The following ARHGEF26 variants were observed in gnomAD, a reference collection of about 807,000 sequenced individuals.
The protein encoded by ARHGEF26 is Rho guanine nucleotide exchange factor (GEF) 26.
ARHGEF26 carries 59 observed loss-of-function variants against 89.4 expected under a neutral mutation model. That is an observed-to-expected ratio of 0.66 (90% CI 0.54 to 0.82). The LOEUF (loss-of-function observed/expected upper bound fraction) is 0.82. Ranked by LOEUF, ARHGEF26 falls within the 40% of genes least tolerant of loss-of-function variation. ARHGEF26 has a pLI of 0.00. For synonymous variants in ARHGEF26, 500 were observed against 428.4 expected, an observed-to-expected ratio of 1.17 and a Z score of -2.06; for missense variants, 1,234 against 1,085.6, an observed-to-expected ratio of 1.14 and a Z score of -1.92.
intron 10 of ARHGEF26, among the ~76,000 whole-genome samples, chr3:154,218,679 A>G (rs1715930490): frequency 6.6e-6 from 1 of 152,260 alleles, no homozygotes; most frequent in Admixed American, 6.5e-5. Context: ...TTTCTATTTC[A>G]TGCAGTCAAA....
chr3:154,149,354 T>A, intron 4 of ARHGEF26, 35 bp from the exon 5 acceptor site: 1 of 1,565,186 alleles, frequency 6.4e-7, no homozygotes, highest in Non-Finnish European at 8.7e-7. Flanking sequence ...AAAGTATTAA[T>A]AAATGAGTCA....
intron 6 of ARHGEF26, among the ~76,000 whole-genome samples, chr3:154,174,300 A>G (rs938374465): frequency 6.6e-6 from 1 of 152,194 alleles, no homozygotes; most frequent in Non-Finnish European, 1.5e-5. Context: ...GCACTTCCTT[A>G]ATTTTTAAAT....
intron 9 of ARHGEF26, among the ~76,000 whole-genome samples, chr3:154,210,270 G>A (rs1295512026): frequency 6.6e-6 from 1 of 152,102 alleles, no homozygotes; most frequent in African/African-American, 2.4e-5. Flanking sequence ...CTGAATCCAG[G>A]AAGTCTCAGA....
At chr3:154,194,780 A>C in intron 9 of ARHGEF26, 62 bp downstream of exon 9, 1 of 1,398,714 alleles carries the variant, frequency 7.1e-7, no homozygotes, top group East Asian at 2.4e-5. Flanking sequence ...TCAGACACAA[A>C]GTGTGTCTTG....
At chr3:154,160,392 C>T (rs888082840) in intron 6 of ARHGEF26, among the ~76,000 whole-genome samples, 3 of 152,140 alleles carry the variant, frequency 2.0e-5, no homozygotes, top group African/African-American at 7.2e-5. Context: ...AGTGTGGGAT[C>T]TGAAGTCTTT....
chr3:154,124,430 AGG>A lies in ARHGEF26; in HGVS notation c.1105_1106del (p.Gly369AsnfsTer3), dbSNP rs1718199201. ...RIKKKMLKGQ[G>X]TFDGEENAVL... ...CTTAGAAAAAAATGCTGAAAGGACA[AGG>A]AACATTTGATGGGGAAGGTAAGCAT... On this transcript the variant is annotated frameshift_variant, in exon 3 of 15. Coordinates refer to ENST00000465093, the MANE Select transcript of ARHGEF26 (RefSeq NM_015595.4). LOFTEE classifies it high-confidence loss of function. 6.6e-7 allele frequency: 1 copy of A among 1,514,514 alleles called. No homozygotes were observed. The highest frequency in any genetic ancestry group is 8.8e-7 in the Non-Finnish European group (1 of 1,140,332). The allele number at this position is 1,514,514 out of a possible 1,614,324, so 93.8% of individuals were successfully genotyped here.
At chr3:154,144,743 G>C (rs2108081340) in intron 4 of ARHGEF26, among the ~76,000 whole-genome samples, 1 of 152,250 alleles carries the variant, frequency 6.6e-6, no homozygotes, top group Non-Finnish European at 1.5e-5. Flanking sequence ...ACTCGATGTT[G>C]CCTGCTTGAG....
At chr3:154,209,064 G>A (rs1715209816) in intron 9 of ARHGEF26, among the ~76,000 whole-genome samples, 1 of 152,014 alleles carries the variant, frequency 6.6e-6, no homozygotes, top group Non-Finnish European at 1.5e-5. Context: ...ACTGTGCCTG[G>A]CCGCCAGTTG....
intron 6 of ARHGEF26, among the ~76,000 whole-genome samples, chr3:154,180,685 C>G (rs1713125716): frequency 1.0e-4 from 1 of 9,536 alleles, no homozygotes; most frequent in Non-Finnish European, 1.7e-4. Flanking sequence ...TCTTTTTTCC[C>G]CTCACATCCC....
intron 4 of ARHGEF26, among the ~76,000 whole-genome samples, chr3:154,143,123 C>T (rs1719484328): frequency 6.6e-6 from 1 of 151,940 alleles, no homozygotes; most frequent in Non-Finnish European, 1.5e-5. Context: ...TTTTGTTATT[C>T]GAAGTGTTGC....
chr3:154,231,619 A>T (rs1716827379), intron 11 of ARHGEF26, among the ~76,000 whole-genome samples: 1 of 152,130 alleles, frequency 6.6e-6, no homozygotes, highest in Admixed American at 6.6e-5. Flanking sequence ...GCCGTAAATC[A>T]AATTATTGCC....
intron 6 of ARHGEF26, among the ~76,000 whole-genome samples, chr3:154,156,871 T>C (rs923967092): frequency 6.6e-6 from 1 of 152,224 alleles, no homozygotes; most frequent in Non-Finnish European, 1.5e-5. Context: ...TTGTTAAGTA[T>C]GTCATAACCA....
In ARHGEF26 at chr3:154,194,699, C is replaced by A. The variant is rs749851646; in HGVS notation, c.1826C>A (p.Ala609Asp). 2 of 1,612,604 alleles carry A rather than the reference C, an allele frequency of 1.2e-6. No homozygotes were observed. The highest frequency in any genetic ancestry group is 1.7e-6 in the Non-Finnish European group (2 of 1,179,342). ...DSPKYEVCKR[A>D]LKEVSKLVRL... ...CCGAAGTATGAAGTCTGCAAAAGAGCCTTGAAGGAAGTTAGCAAGGTAACT... is the reference window on the plus strand; with the variant it reads ...CCGAAGTATGAAGTCTGCAAAAGAGACTTGAAGGAAGTTAGCAAGGTAACT... The change falls in exon 9 of 15, where the codon GCC becomes GAC. Residue 609 changes from alanine (A) to aspartate (D), a missense_variant. By Grantham distance (126) the Ala-to-Asp change is moderately radical (BLOSUM62 -2). Transcript: ENST00000465093.
chr3:154,152,774 T>C lies in ARHGEF26; in HGVS notation c.1329T>C (p.Ala443=). 6.7e-7 allele frequency: 1 copy of C among 1,487,740 alleles called. No individual in the cohort carries two copies. The highest frequency in any genetic ancestry group is 8.9e-7 in the Non-Finnish European group (1 of 1,118,906). 92.2% of individuals were successfully genotyped at this position (1,487,740 alleles called of 1,614,324 possible). ...CATTTCTTTTTCCTTCTTACCAGGC[T>C]ATCTTTGAAGTCATATCCTCTGAAC... ...VSQEERKRQE[A]IFEVISSEHS... is the part of the protein sequence containing the mutation. Residue 443 remains alanine, a splice_region_variant and synonymous_variant, in exon 6 of 15, where the codon GCT becomes GCC. Coordinates refer to ENST00000465093, the MANE Select transcript of ARHGEF26 (RefSeq NM_015595.4).
At chr3:154,155,220 G>A (rs997456548) in intron 6 of ARHGEF26, among the ~76,000 whole-genome samples, 1 of 151,992 alleles carries the variant, frequency 6.6e-6, no homozygotes, top group Non-Finnish European at 1.5e-5. Flanking sequence ...CATAGTATGT[G>A]TCAGTAAAAT....
At chr3:154,166,277 C>G (rs1358813301) in intron 6 of ARHGEF26, among the ~76,000 whole-genome samples, 1 of 152,144 alleles carries the variant, frequency 6.6e-6, no homozygotes, top group Non-Finnish European at 1.5e-5. Context: ...GTCTCGATCT[C>G]CTGACCTCAT....
At chr3:154,228,244 T>G (rs1716611284) in intron 11 of ARHGEF26, among the ~76,000 whole-genome samples, 1 of 151,868 alleles carries the variant, frequency 6.6e-6, no homozygotes, top group African/African-American at 2.4e-5. Context: ...TTCAAGTGAT[T>G]CTCCTGCCTC....
chr3:154,194,812 G>GA, intron 9 of ARHGEF26, 94 bp downstream of exon 9: 2 of 1,030,830 alleles, frequency 1.9e-6, no homozygotes, highest in Non-Finnish European at 3.0e-6. Flanking sequence ...AAAACTGGTA[G>GA]AGTCTCACAG....
intron 11 of ARHGEF26, among the ~76,000 whole-genome samples, chr3:154,230,453 C>G (rs1200060143): frequency 6.6e-6 from 1 of 152,156 alleles, no homozygotes; most frequent in African/African-American, 2.4e-5. Context: ...TCCCCTCATC[C>G]TATAAAGTTA....
Sources: gnomAD v4.1 joint callset for allele counts (sites outside exome capture counted in the v4.1 genomes callset) on GRCh38, gnomAD v4.1.1 for gene constraint, MANE v1.5 for transcripts, NCBI Gene and HGNC (gene_info 2026-07-23, HGNC 2026-07-21) for gene names.